The following TCP1 variants were observed in gnomAD, a reference collection of about 807,000 sequenced individuals.
TCP1 encodes T-complex protein 1 subunit alpha.
Under a neutral mutation model 54.7 loss-of-function variants are expected in TCP1, and 6 were observed. The observed-to-expected ratio is 0.11, with a 90% CI of 0.06 to 0.22. TCP1 has a LOEUF of 0.22. Among genes scored for constraint, TCP1 ranks in the 10% least tolerant of loss-of-function variants. The probability of loss-of-function intolerance (pLI) is 1.00; values close to 1 mark genes in which losing one functional copy is unlikely to be tolerated. For missense variants in TCP1, 511 were observed against 678.2 expected (o/e 0.75, Z 2.74); for synonymous variants, 225 against 229.7 (o/e 0.98, Z 0.19).
rs536283296 is a variant in TCP1, at chr6:159,785,309, A to T, written c.488+77T>A. On this transcript the variant is annotated intron_variant, in intron 5 of 11. Coordinates refer to ENST00000321394, the MANE Select transcript of TCP1 (RefSeq NM_030752.3). ...CAGCCTCCTTAGTAGCTGGGACTACAGGCACATACCACCATGCCCATCTCA... is the reference window on the plus strand; with the variant it reads ...CAGCCTCCTTAGTAGCTGGGACTACTGGCACATACCACCATGCCCATCTCA... The T allele has an allele frequency of 1.0e-5, 11 of 1,097,502 alleles. No homozygotes were observed. The South Asian group carries it at 1.4e-4, about 14-fold the overall frequency. The allele number at this position is 1,097,502 out of a possible 1,614,324, so 68.0% of individuals were successfully genotyped here.
intron 3 of TCP1, among the ~76,000 whole-genome samples, chr6:159,787,092 A>AAAAAAAG (rs55649753): frequency 2.0e-5 from 3 of 151,120 alleles, no homozygotes; most frequent in Non-Finnish European, 4.4e-5. Context: ...AAAAAAAAAA[A>AAAAAAAG]GAGGTTTTTA....
Position 159,789,554 on chromosome 6 carries a change from G to A in TCP1, c.-86C>T. 7 of 1,516,936 alleles carry A rather than the reference G, an allele frequency of 4.6e-6. No homozygotes were observed. Among genetic ancestry groups the A allele is most frequent in the Non-Finnish European group, 6.3e-6 (7 of 1,103,456 alleles). The allele number at this position is 1,516,936 out of a possible 1,614,324, so 94.0% of individuals were successfully genotyped here. ...CCTCGGCCGACCGGCGACCACAGCA[G>A]TGGCTGCGACGGCGTGGAGCGTACC... On this transcript the variant is annotated 5_prime_UTR_variant, in exon 1 of 12. Transcript: ENST00000321394.
chr6:159,783,027 T>C (rs889260200), intron 7 of TCP1, among the ~76,000 whole-genome samples: 3 of 152,178 alleles, frequency 2.0e-5, no homozygotes, highest in Admixed American at 6.5e-5. Context: ...AAGTTTTGTG[T>C]AGTAAACCAC....
At chr6:159,783,268 T>C (rs1780617690) in intron 7 of TCP1, among the ~76,000 whole-genome samples, 1 of 152,090 alleles carries the variant, frequency 6.6e-6, no homozygotes, top group Non-Finnish European at 1.5e-5. Context: ...GACACTTTGT[T>C]GTATGAGGAA....
At chr6:159,783,789 C>A in intron 7 of TCP1, 152 bp downstream of exon 7, 1 of 977,598 alleles carries the variant, frequency 1.0e-6, no homozygotes, top group Non-Finnish European at 1.5e-6. Flanking sequence ...CACAAAAAGG[C>A]CGATTTTCAT....
rs747455768 is a variant in TCP1 at position 159,780,454 on chromosome 6, G to C, written c.1086C>G (p.Ile362Met). ...VQERICDDEL[I>M]LIKNTKARTS... The stretch of plus-strand genomic sequence containing the variant: ...AAAGTGGCTCTTACTTTTTGATTAA[G>C]ATCAGCTCATCATCACAAATTCTCT... Residue 362 changes from isoleucine (I) to methionine (M), a missense_variant, in exon 9 of 12, where the codon ATC (isoleucine) becomes ATG (methionine). Around this residue, in one of 5 missense-constraint regions of TCP1, gnomAD observed 305 missense variants for 352.8 expected, o/e 0.86. Transcript: ENST00000321394. 1.2e-6 allele frequency: 2 copies of C among 1,613,740 alleles called. No homozygotes were observed. Among genetic ancestry groups the C allele is most frequent in the Non-Finnish European group, 1.7e-6 (2 of 1,179,924 alleles).
At chr6:159,780,195 A>AG in intron 9 of TCP1, 108 bp from the exon 10 acceptor site, 1 of 1,408,674 alleles carries the variant, frequency 7.1e-7, no homozygotes, top group Non-Finnish European at 9.8e-7. Context: ...ATAAGTCTAC[A>AG]TAAAGTTCCC....
chr6:159,784,610 A>C, intron 6 of TCP1, 56 bp downstream of exon 6: 1 of 1,568,934 alleles, frequency 6.4e-7, no homozygotes, highest in African/African-American at 1.4e-5. Context: ...AGCCAAAAGA[A>C]AAGCTAGTTT....
chr6:159,780,353 G>A, intron 9 of TCP1, 90 bp downstream of exon 9: 4 of 1,576,362 alleles, frequency 2.5e-6, no homozygotes, highest in African/African-American at 1.3e-5. Context: ...GTATCACTGT[G>A]AGACTACAAG....
chr6:159,787,698 C>A, intron 3 of TCP1, 45 bp downstream of exon 3: 1 of 1,587,170 alleles, frequency 6.3e-7, no homozygotes, highest in Non-Finnish European at 8.6e-7. Flanking sequence ...TTCTGAAAGT[C>A]GGTCGTTTTT....
Position 159,789,248 on chromosome 6 carries a change from T to C in TCP1, c.64+157A>G, listed in dbSNP as rs530008095. 2.3e-4 allele frequency: 179 copies of C among 792,856 alleles called. 3 individuals carry two copies. The highest frequency in any genetic ancestry group is 2.0e-3 in the South Asian group (112 of 55,954). The allele number at this position is 792,856 out of a possible 1,614,324, so 49.1% of individuals were successfully genotyped here. Reference sequence around the variant, plus strand: ...TGGGAAAAGTGGGGCCACAGCGCCCTGCCCCAGAGAACGGCGGGTGGGCTG... The same window carrying C: ...TGGGAAAAGTGGGGCCACAGCGCCCCGCCCCAGAGAACGGCGGGTGGGCTG... On this transcript the variant is annotated intron_variant, in intron 1 of 11. Transcript: ENST00000321394.
intron 7 of TCP1, among the ~76,000 whole-genome samples, chr6:159,782,809 A>G (rs1780607643): frequency 2.0e-5 from 3 of 152,184 alleles, no homozygotes; most frequent in Non-Finnish European, 2.9e-5. Context: ...GCTATCCTGG[A>G]GAGTATTATG....
chr6:159,788,372 G>T, intron 1 of TCP1: 1 of 458,248 alleles, frequency 2.2e-6, no homozygotes. Context: ...AGGATCGCTT[G>T]ATGCCAGGAG....
Position 159,784,713 on chromosome 6 carries a change from C to T in TCP1, c.623G>A (p.Ser208Asn). The T allele has an allele frequency of 1.2e-6, 2 of 1,614,204 alleles. No homozygotes were observed. The highest frequency in any genetic ancestry group is 1.7e-6 in the Non-Finnish European group (2 of 1,180,030). The change falls in exon 6 of 12, where the codon AGT (serine) becomes AAT (asparagine). Residue 208 changes from serine (S) to asparagine (N), a missense_variant. By Grantham distance (46) the Ser-to-Asn change is conservative. Around this residue, in one of 5 missense-constraint regions of TCP1, gnomAD observed 305 missense variants for 352.8 expected, o/e 0.86. Coordinates refer to ENST00000321394, the MANE Select transcript of TCP1 (RefSeq NM_030752.3). ...GAGTGCATAGCCACTGATGAGCATA[C>T]TCTCCATTTGACTTCTCCCATGGGC... ...LKAHGRSQME[S>N]MLISGYALNC...
At chr6:159,782,226 T>C (rs1780593872) in intron 7 of TCP1, among the ~76,000 whole-genome samples, 3 of 152,222 alleles carry the variant, frequency 2.0e-5, no homozygotes, top group Admixed American at 6.5e-5. Context: ...AGAGTCAATA[T>C]GAGTGAAGCC....
chr6:159,780,129 A>C (rs1329429176), intron 9 of TCP1, 42 bp from the exon 10 acceptor site: 3 of 1,578,090 alleles, frequency 1.9e-6, no homozygotes, highest in Admixed American at 3.9e-5. Flanking sequence ...AGCATTTTTA[A>C]AAATTTTTTT....
At chr6:159,785,309 A>G (rs536283296) in intron 5 of TCP1, 77 bp downstream of exon 5, 2 of 1,097,504 alleles carry the variant, frequency 1.8e-6, no homozygotes, top group South Asian at 2.5e-5. Context: ...CTGGGACTAC[A>G]GGCACATACC....
Position 159,788,265 on chromosome 6 carries a change from C to A in TCP1, c.65-122G>T, listed in dbSNP as rs1005169678. ...CCCCGTATTTCCCAAATCTACAAATCTGTGTTAATTATTTAAAAACCACCT... is the reference window on the plus strand; with the variant it reads ...CCCCGTATTTCCCAAATCTACAAATATGTGTTAATTATTTAAAAACCACCT... On this transcript the variant is annotated intron_variant, in intron 1 of 11. Transcript: ENST00000321394. The A allele has an allele frequency of 1.9e-5, 17 of 913,604 alleles. No homozygotes were observed. In the African/African-American group the frequency reaches 2.7e-4, roughly 14 times the overall value. The allele number at this position is 913,604 out of a possible 1,614,324, so 56.6% of individuals were successfully genotyped here.
intron 4 of TCP1, 95 bp from the exon 5 acceptor site, chr6:159,785,591 TA>T (rs1223818376): frequency 9.9e-7 from 1 of 1,005,662 alleles, no homozygotes; most frequent in Non-Finnish European, 1.6e-6. Context: ...ATGTCGTAAG[TA>T]ATAATATCCG....
Sources: allele counts gnomAD v4.1 joint callset (sites outside exome capture counted in the v4.1 genomes callset), GRCh38; gene constraint gnomAD v4.1.1; regional missense constraint gnomAD v4.1.1; transcripts MANE v1.5; gene names NCBI Gene and HGNC (gene_info 2026-07-23, HGNC 2026-07-21).